Variants in PAXIP1 observed in about 807,000 individuals in gnomAD.
The protein encoded by PAXIP1 is PAX-interacting protein 1.
PAXIP1 carries 19 observed loss-of-function variants against 140.6 expected under a neutral mutation model. That is an observed-to-expected ratio of 0.14 (90% CI 0.09 to 0.20). The LOEUF is 0.20. Ranked by LOEUF, PAXIP1 falls within the 10% of genes least tolerant of loss-of-function variation. The probability of loss-of-function intolerance (pLI) is 1.00; values close to 1 mark genes in which losing one functional copy is unlikely to be tolerated. For missense variants in PAXIP1, 920 were observed against 1,208.6 expected (o/e 0.76, Z 3.54); for synonymous variants, 442 against 444.6 (o/e 0.99, Z 0.07).
intron 5 of PAXIP1, among the ~76,000 whole-genome samples, chr7:154,978,711 G>A (rs1437626202): frequency 6.6e-6 from 1 of 151,902 alleles, no homozygotes; most frequent in Non-Finnish European, 1.5e-5. Flanking sequence ...ATGTAATATG[G>A]TTTACATATG....
chr7:154,987,511 G>C (rs922641576), intron 4 of PAXIP1, among the ~76,000 whole-genome samples: 1 of 152,076 alleles, frequency 6.6e-6, no homozygotes, highest in African/African-American at 2.4e-5. Context: ...TCTACTCCCA[G>C]TTATCTGCTC....
At chr7:154,977,992 T>TTTTAATGTACATTTTCGAACAC (rs1563379940) in intron 5 of PAXIP1, among the ~76,000 whole-genome samples, 36 of 152,022 alleles carry the variant, frequency 2.4e-4, no homozygotes, top group African/African-American at 8.0e-4. Context: ...CAGACCAAAT[T>TTTTAATGTACATTTTCGAACAC]AGAGACTAGT....
intron 3 of PAXIP1, 40 bp downstream of exon 3, chr7:154,993,686 G>A: frequency 6.7e-7 from 1 of 1,492,908 alleles, no homozygotes; most frequent in South Asian, 1.2e-5. Context: ...TAAACCCAGA[G>A]TTACCCTTTC....
intron 9 of PAXIP1, chr7:154,962,694 C>A (rs1808807663): frequency 5.6e-6 from 2 of 356,042 alleles, no homozygotes; most frequent in Admixed American, 8.4e-5. Flanking sequence ...GCAACAAATT[C>A]TACAACAACC....
At chr7:154,955,840 C>A (rs951476517) in intron 14 of PAXIP1, among the ~76,000 whole-genome samples, 1 of 152,204 alleles carries the variant, frequency 6.6e-6, no homozygotes, top group Non-Finnish European at 1.5e-5. Flanking sequence ...ACCTTTGAAG[C>A]CTCCAAGGGA....
At chr7:154,978,998 C>T (rs1461109541) in intron 5 of PAXIP1, among the ~76,000 whole-genome samples, 1 of 152,124 alleles carries the variant, frequency 6.6e-6, no homozygotes, top group Non-Finnish European at 1.5e-5. Flanking sequence ...AGGTAAACAG[C>T]CTTACTATAT....
chr7:154,957,664 C>T (rs1808578972), intron 13 of PAXIP1, among the ~76,000 whole-genome samples: 1 of 152,126 alleles, frequency 6.6e-6, no homozygotes, highest in Admixed American at 6.5e-5. Context: ...TCCTGTGTCC[C>T]AATTTAGAAT....
In PAXIP1 at chr7:154,995,408, C is replaced by T. The variant is rs146953447; in HGVS notation, c.217-1639G>A. Among the ~76,000 whole-genome samples the T allele has an allele frequency of 3.6e-3, 553 of 152,256 alleles. 2 individuals carry two copies. Among genetic ancestry groups the T allele is most frequent in the African/African-American group, 0.013 (525 of 41,544 alleles). On this transcript the variant is annotated intron_variant, in intron 2 of 20. Transcript: ENST00000404141. ...TGGCTATCATAAAGTCCCATCCAAG[C>T]ACAGTAGAATCACTGAGGCCCTACT...
Position 154,976,102 on chromosome 7 carries a change from G to C in PAXIP1, c.668C>G (p.Ser223Cys). The C allele has an allele frequency of 6.4e-7, 1 of 1,572,748 alleles. No individual in the cohort carries two copies. Among genetic ancestry groups the C allele is most frequent in the Non-Finnish European group, 8.6e-7 (1 of 1,157,416 alleles). The change falls in exon 6 of 21, where the codon TCT becomes TGT. Residue 223 changes from serine to cysteine, a missense_variant. Ser to Cys is a moderately radical substitution (Grantham distance 112, BLOSUM62 -1). Around this residue, in one of 5 missense-constraint regions of PAXIP1, gnomAD observed 419 missense variants for 514.7 expected, o/e 0.81. Transcript: ENST00000404141. The stretch of plus-strand genomic sequence containing the variant: ...GTCACCTGAAGGAGACCCTTCTTGA[G>C]AGCTGGCAGGGCTTGACTTCTCATC... ...STDEKSSPAS[S>C]QEGSPSGDQQ... is the part of the protein sequence containing the mutation.
chr7:155,002,951 T>A lies in PAXIP1; in HGVS notation c.-22A>T. On this transcript the variant is annotated 5_prime_UTR_variant, in exon 1 of 21. Coordinates refer to ENST00000404141, the MANE Select transcript of PAXIP1 (RefSeq NM_007349.4). The stretch of plus-strand genomic sequence containing the variant: ...ACATGATCGCGGCGGCCCGGGAGGC[T>A]CCGCGGCGGCGCCCGGCCCCGCCCA... The A allele has an allele frequency of 8.4e-7, 1 of 1,184,902 alleles. No homozygotes were observed. The highest frequency in any genetic ancestry group is 1.1e-6 in the Non-Finnish European group (1 of 930,798). 73.4% of individuals were successfully genotyped at this position (1,184,902 alleles called of 1,614,324 possible). A position where few individuals can be genotyped will look rare whatever the true frequency, so the allele number is the denominator to read the frequency against.
At chr7:154,976,378 T>C in intron 5 of PAXIP1, 47 bp from the exon 6 acceptor site, 1 of 1,515,564 alleles carries the variant, frequency 6.6e-7, no homozygotes, top group Non-Finnish European at 8.8e-7. Context: ...GTAAATTTTA[T>C]CACATTTCCT....
intron 8 of PAXIP1, 123 bp downstream of exon 8, chr7:154,967,693 C>A: frequency 1.5e-6 from 1 of 645,858 alleles, no homozygotes; most frequent in Non-Finnish European, 2.7e-6. Context: ...TCAAAATGCC[C>A]GTCACACATT....
intron 4 of PAXIP1, among the ~76,000 whole-genome samples, chr7:154,988,394 T>C (rs1321673325): frequency 6.6e-6 from 1 of 152,248 alleles, no homozygotes; most frequent in Non-Finnish European, 1.5e-5. Context: ...TGAGTGGTCA[T>C]ATATGTATCA....
rs1427553634 is a variant in PAXIP1, at chr7:154,960,951, C to T, written c.2376G>A (p.Thr792=). 6.9e-6 allele frequency: 11 copies of T among 1,604,494 alleles called. No homozygotes were observed. Among genetic ancestry groups the T allele is most frequent in the East Asian group, 4.5e-5 (2 of 44,642 alleles). Residue 792 remains threonine, a synonymous_variant, in exon 12 of 21, where the codon ACG becomes ACA. Coordinates refer to ENST00000404141, the MANE Select transcript of PAXIP1 (RefSeq NM_007349.4). ...ALRQIQYSRY[T]AFSLQDPFAP... ...CAAATGGATCCTGCAGACTGAATGC[C>T]GTGTAGCGACTATACTGAATCTGCC...
Position 154,946,660 on chromosome 7 carries a change from C to T in PAXIP1, c.3057+19G>A, listed in dbSNP as rs373635173. ...TACAGGGCAATGACGGACTCGCTGG[C>T]GGACTCCACTCTACCCACCGAGTTC... On this transcript the variant is annotated intron_variant, in intron 18 of 20. Coordinates refer to ENST00000404141, the MANE Select transcript of PAXIP1 (RefSeq NM_007349.4). This position sits in a 1 kb window ranked among gnomAD's most constrained non-coding sequence, Gnocchi z 4.9. 6.0e-5 allele frequency: 96 copies of T among 1,613,386 alleles called. No individual in the cohort carries two copies. The highest frequency in any genetic ancestry group is 4.9e-4 in the Middle Eastern group (3 of 6,082).
chr7:154,950,850 TGCTAAG>T (rs1381786314), intron 16 of PAXIP1: 1 of 152,246 alleles, frequency 6.6e-6, no homozygotes, highest in Non-Finnish European at 1.5e-5. Context: ...GGACGTATAT[TGCTAAG>T]CAAAGGAAGC....
At chr7:154,989,791 G>A (rs1326632668) in intron 4 of PAXIP1, among the ~76,000 whole-genome samples, 3 of 152,070 alleles carry the variant, frequency 2.0e-5, no homozygotes, top group Non-Finnish European at 4.4e-5. Flanking sequence ...TACATACCTA[G>A]GCTATGGCCT....
chr7:154,998,865 A>T, intron 1 of PAXIP1, 81 bp from the exon 2 acceptor site: 1 of 1,209,028 alleles, frequency 8.3e-7, no homozygotes. Flanking sequence ...ATTATTGGGC[A>T]TAATAGTACT....
intron 6 of PAXIP1, among the ~76,000 whole-genome samples, chr7:154,971,534 A>C (rs1351550182): frequency 6.6e-6 from 1 of 152,230 alleles, no homozygotes; most frequent in Non-Finnish European, 1.5e-5. Context: ...TCATCCGATC[A>C]CTTTTTCAAC....
Sources: allele counts gnomAD v4.1 joint callset (sites outside exome capture counted in the v4.1 genomes callset), GRCh38; gene constraint gnomAD v4.1.1; regional missense constraint gnomAD v4.1.1; non-coding constraint Gnocchi (gnomAD v3.1); transcripts MANE v1.5; gene names NCBI Gene and HGNC (gene_info 2026-07-23, HGNC 2026-07-21).